The following ST6GALNAC1 variants were observed in gnomAD, a reference collection of about 807,000 sequenced individuals.
ST6GALNAC1 encodes ST6 N-acetylgalactosaminide alpha-2,6-sialyltransferase 1, also known as alpha-N-acetylgalactosaminide alpha-2,6-sialyltransferase 1.
In ST6GALNAC1, 45 loss-of-function variants were observed where a neutral mutation model predicts 56.8. The ratio of observed to expected loss-of-function variants is 0.79; its 90% confidence interval spans 0.62 to 1.02. The LOEUF (loss-of-function observed/expected upper bound fraction) is 1.02. Ranked by LOEUF, ST6GALNAC1 falls within the 50% of genes least tolerant of loss-of-function variation. The pLI is 0.00. For missense variants in ST6GALNAC1, 743 were observed against 754.8 expected (o/e 0.98, Z 0.18); for synonymous variants, 295 against 297.8 (o/e 0.99, Z 0.10).
chr17:76,627,604 T>G lies in ST6GALNAC1; in HGVS notation c.832-21A>C, dbSNP rs1598291983. On this transcript the variant is annotated intron_variant, in intron 2 of 8. Transcript: ENST00000156626. The surrounding 1 kb of genome is among the most constrained non-coding windows in gnomAD (Gnocchi z 4.4). ...CAAGTCTATATACAGGAGGACGAAG[T>G]CAGGAAGGGAGAGACCCAGAAAGGC... 1 of 1,611,268 alleles carries G rather than the reference T, an allele frequency of 6.2e-7. No homozygotes were observed. The highest frequency in any genetic ancestry group is 8.5e-7 in the Non-Finnish European group (1 of 1,178,656).
Position 76,626,288 on chromosome 17 carries a change from C to T in ST6GALNAC1, c.1415+1G>A, listed in dbSNP as rs756678918. On this transcript the variant is annotated splice_donor_variant, in intron 6 of 8. Transcript: ENST00000156626. LOFTEE classifies it high-confidence loss of function. ...GGGGATGGCAGGAGGACAGTGGGTA[C>T]CTGAACCAGAAAAGGTTTTTTGACA... is the stretch of plus-strand genomic sequence containing the variant. 3 of 1,614,064 alleles carry T rather than the reference C, an allele frequency of 1.9e-6. No individual in the cohort carries two copies. Among genetic ancestry groups the T allele is most frequent in the Middle Eastern group, 3.3e-4 (2 of 6,054 alleles).
chr17:76,638,333 A>G (rs765933798), intron 1 of ST6GALNAC1, among the ~76,000 whole-genome samples: 19 of 152,112 alleles, frequency 1.2e-4, no homozygotes, highest in Non-Finnish European at 1.8e-4. Context: ...GCGTCTTAAG[A>G]TGATATGAGA....
chr17:76,635,458 G>A (rs1452927567), intron 1 of ST6GALNAC1, among the ~76,000 whole-genome samples: 1 of 152,134 alleles, frequency 6.6e-6, no homozygotes, highest in Non-Finnish European at 1.5e-5. Flanking sequence ...TGGCCAACAT[G>A]GCGAAACCCT....
chr17:76,633,137 C>T (rs575204620), intron 1 of ST6GALNAC1, among the ~76,000 whole-genome samples: 80 of 151,962 alleles, frequency 5.3e-4, no homozygotes, highest in African/African-American at 1.8e-3. Flanking sequence ...CGAACCTGGG[C>T]GGCAGAGGTT....
rs950808698 is a variant in ST6GALNAC1 at position 76,629,566 on chromosome 17, T to C, written c.277A>G (p.Lys93Glu). Residue 93 changes from lysine to glutamate, a missense_variant, in exon 2 of 9, where the codon AAG becomes GAG. Lys to Glu is a moderately conservative substitution (Grantham distance 56, BLOSUM62 1). Transcript: ENST00000156626. ...NNALNTQTQP[K>E]AHTTGDRGKE... ...CCTCTGTCTCCGGTGGTGTGGGCCTTGGGCTGGGTTTGTGTGTTGAGGGCA... is the reference window on the plus strand; with the variant it reads ...CCTCTGTCTCCGGTGGTGTGGGCCTCGGGCTGGGTTTGTGTGTTGAGGGCA... The C allele has an allele frequency of 2.5e-6, 4 of 1,613,878 alleles. No homozygotes were observed. In the Admixed American group the frequency reaches 6.7e-5, roughly 27 times the overall value.
At chr17:76,626,521 G>T in intron 5 of ST6GALNAC1, 129 bp from the exon 6 acceptor site, 3 of 1,503,778 alleles carry the variant, frequency 2.0e-6, no homozygotes, top group South Asian at 1.2e-5. Context: ...CCCCACTCCT[G>T]CCCTTATAGG....
At chr17:76,637,991 G>A (rs960123965) in intron 1 of ST6GALNAC1, among the ~76,000 whole-genome samples, 1 of 151,940 alleles carries the variant, frequency 6.6e-6, no homozygotes, top group Non-Finnish European at 1.5e-5. Flanking sequence ...CACCGTGCCC[G>A]GCTAATTTTC....
intron 1 of ST6GALNAC1, among the ~76,000 whole-genome samples, chr17:76,636,902 G>C (rs1468430430): frequency 6.6e-6 from 1 of 152,166 alleles, no homozygotes; most frequent in Non-Finnish European, 1.5e-5. Flanking sequence ...AGACATAGGA[G>C]ACTCCATTTT....
rs2143429775 is a variant in ST6GALNAC1 at position 76,628,257 on chromosome 17, TCCCTCCCTCCC to T, written c.832-685_832-675del. Among the ~76,000 whole-genome samples the T allele has an allele frequency of 5.2e-3, 161 of 30,804 alleles. 2 individuals carry two copies. The highest frequency in any genetic ancestry group is 0.017 in the African/African-American group (153 of 9,264). 20.2% of individuals were successfully genotyped at this position (30,804 alleles called of 152,430 possible). On this transcript the variant is annotated intron_variant, in intron 2 of 8. Transcript: ENST00000156626. ...TGGGCCTTCTCCCTCCCTCCCTCCC[TCCCTCCCTCCC>T]TCCTTCCTTCCTTCCTTCCTTCCGT...
intron 1 of ST6GALNAC1, among the ~76,000 whole-genome samples, chr17:76,634,081 G>A (rs1050672505): frequency 2.0e-5 from 3 of 152,190 alleles, no homozygotes; most frequent in African/African-American, 7.2e-5. Context: ...CCTTTGATTC[G>A]CTAAATAATT....
intron 5 of ST6GALNAC1, 51 bp from the exon 6 acceptor site, chr17:76,626,443 C>A: frequency 1.3e-6 from 2 of 1,586,188 alleles, no homozygotes; most frequent in South Asian, 1.1e-5. Context: ...TCAGGACCAC[C>A]ACCGAGGGTG....
At position 76,627,350 on chromosome 17, in the gene ST6GALNAC1, G is replaced by GCTGCCCT. The variant is rs1555634248; in HGVS notation, c.1000+58_1000+64dup. 3,591 of 1,590,030 alleles carry GCTGCCCT rather than the reference G, an allele frequency of 2.3e-3. 82 individuals carry two copies. The African/African-American group carries it at 0.042, about 19-fold the overall frequency. ...AGGGAAGAGGCAGACCAGAAAGCCA[G>GCTGCCCT]CTGCCCTCTGCCCTCTGCCCCGGCC... On this transcript the variant is annotated intron_variant, in intron 3 of 8. Transcript: ENST00000156626. This position sits in a 1 kb window ranked among gnomAD's most constrained non-coding sequence, Gnocchi z 4.4.
chr17:76,635,429 C>A (rs1179069138), intron 1 of ST6GALNAC1, among the ~76,000 whole-genome samples: 1 of 152,126 alleles, frequency 6.6e-6, no homozygotes, highest in African/African-American at 2.4e-5. Flanking sequence ...CACTTGAGGT[C>A]AGGAATTCGA....
At position 76,627,465 on chromosome 17, in the gene ST6GALNAC1, C is replaced by A. The variant is rs148801437; in HGVS notation, c.950G>T (p.Arg317Leu). 35 of 1,614,174 alleles carry A rather than the reference C, an allele frequency of 2.2e-5. No individual in the cohort carries two copies. The African/African-American group carries it at 3.3e-4, about 15-fold the overall frequency. The change falls in exon 3 of 9, where the codon CGC (arginine) becomes CTC (leucine). Residue 317 changes from arginine (R) to leucine (L), a missense_variant. Physicochemically the swap from Arg to Leu is moderately radical, Grantham distance 102. Transcript: ENST00000156626. This position sits in a 1 kb window ranked among gnomAD's most constrained non-coding sequence, Gnocchi z 4.4. Reference protein sequence around the residue: ...SRHFNQSEWDRLEHFAPPFGF... With the variant: ...SRHFNQSEWDLLEHFAPPFGF... ...AAAGGGTGGTGCAAAGTGTTCCAGG[C>A]GGTCCCACTCACTCTGGTTGAAGTG...
At chr17:76,630,388 A>G (rs1288415352) in intron 1 of ST6GALNAC1, among the ~76,000 whole-genome samples, 2 of 152,104 alleles carry the variant, frequency 1.3e-5, no homozygotes, top group African/African-American at 4.8e-5. Context: ...TCCTAGCCTG[A>G]GCTGCAGCTG....
At chr17:76,618,940 C>T in the ST6GALNAC1 span, among the ~76,000 whole-genome samples, 1 of 152,070 alleles carries the variant, frequency 6.6e-6, no homozygotes, top group Non-Finnish European at 1.5e-5. Flanking sequence ...TGAGACCCTG[C>T]CTCAAAAGAA....
At chr17:76,634,202 C>T (rs1422685047) in intron 1 of ST6GALNAC1, among the ~76,000 whole-genome samples, 1 of 152,200 alleles carries the variant, frequency 6.6e-6, no homozygotes, top group African/African-American at 2.4e-5. Context: ...CCTCTACTTA[C>T]GTCCTTAAGT....
In ST6GALNAC1 at chr17:76,629,617, A is replaced by AGATG; in HGVS notation, c.222_225dup (p.Tyr76HisfsTer153). 11 of 1,613,418 alleles carry AGATG rather than the reference A, an allele frequency of 6.8e-6. No homozygotes were observed. The highest frequency in any genetic ancestry group is 9.3e-6 in the Non-Finnish European group (11 of 1,179,696). On this transcript the variant is annotated frameshift_variant, in exon 2 of 9. Transcript: ENST00000156626. LOFTEE classifies it high-confidence loss of function. ...TTGTTCTCTGGCACTGGCTCTGCAT[A>AGATG]GATGGTTGTCCTCCTTGCCCTTGTG...
Position 76,643,612 on chromosome 17 carries a change from C to T in ST6GALNAC1, c.27G>A (p.Arg9=). 6.2e-7 allele frequency: 1 copy of T among 1,614,074 alleles called. No homozygotes were observed. Among genetic ancestry groups the T allele is most frequent in the Non-Finnish European group, 8.5e-7 (1 of 1,179,960 alleles). The part of the protein sequence containing the change: MRSCLWRC[R]HLSQGVQWSL... ...ACCACTGGACGCCTTGGCTCAGGTG[C>T]CTGCATCTCCACAGGCAGGACCTCA... is the stretch of plus-strand genomic sequence containing the variant. Residue 9 remains arginine (R), a synonymous_variant, in exon 1 of 9, where the codon AGG becomes AGA. Coordinates refer to ENST00000156626, the MANE Select transcript of ST6GALNAC1 (RefSeq NM_018414.5).
Sources: gnomAD v4.1 joint callset for allele counts (sites outside exome capture counted in the v4.1 genomes callset) on GRCh38, gnomAD v4.1.1 for gene constraint, Gnocchi (gnomAD v3.1) non-coding constraint, MANE v1.5 for transcripts, NCBI Gene and HGNC (gene_info 2026-07-23, HGNC 2026-07-21) for gene names.